HS6ST3: variants seen among roughly 807,000 people sequenced by gnomAD.
HS6ST3 encodes the protein heparan sulfate 6-O-sulfotransferase 3.
HS6ST3 carries 12 observed loss-of-function variants against 36.7 expected under a neutral mutation model. The observed-to-expected ratio is 0.33, with a 90% CI of 0.21 to 0.53. The LOEUF (loss-of-function observed/expected upper bound fraction) is 0.53. Among genes scored for constraint, HS6ST3 ranks in the 20% least tolerant of loss-of-function variants. HS6ST3 has a pLI of 0.95. For missense variants in HS6ST3, 584 were observed against 640.9 expected (o/e 0.91, Z 0.96); for synonymous variants, 240 against 257.5 (o/e 0.93, Z 0.65).
intron 1 of HS6ST3, among the ~76,000 whole-genome samples, chr13:96,332,715 A>G (rs750410288): frequency 6.6e-6 from 1 of 152,248 alleles, no homozygotes; most frequent in Non-Finnish European, 1.5e-5. Flanking sequence ...GGCATTTTAC[A>G]TTTTGTACAG....
chr13:96,579,837 G>T (rs555230457), intron 1 of HS6ST3, among the ~76,000 whole-genome samples: 17 of 152,220 alleles, frequency 1.1e-4, no homozygotes, highest in South Asian at 8.3e-4. Context: ...GACACTCACT[G>T]TGATCCCCTG....
chr13:96,235,066 G>A (rs567984406), intron 1 of HS6ST3, among the ~76,000 whole-genome samples: 1 of 152,018 alleles, frequency 6.6e-6, no homozygotes, highest in East Asian at 1.9e-4. Context: ...ACTCTCAGCT[G>A]ATTTATCCAA....
intron 1 of HS6ST3, among the ~76,000 whole-genome samples, chr13:96,144,307 C>T (rs1358358703): frequency 6.6e-6 from 1 of 152,070 alleles, no homozygotes; most frequent in Non-Finnish European, 1.5e-5. Flanking sequence ...ACTAAGTATA[C>T]TGTAAAAAAT....
chr13:96,679,866 G>C (rs975014841), intron 1 of HS6ST3, among the ~76,000 whole-genome samples: 5 of 152,166 alleles, frequency 3.3e-5, no homozygotes, highest in African/African-American at 9.7e-5. Flanking sequence ...AAAGGTCCAA[G>C]AGACTTGGCC....
At chr13:96,747,595 T>C (rs1465915452) in intron 1 of HS6ST3, among the ~76,000 whole-genome samples, 1 of 152,100 alleles carries the variant, frequency 6.6e-6, no homozygotes, top group Non-Finnish European at 1.5e-5. Context: ...TTACAACTAA[T>C]AATAAACTTT....
intron 1 of HS6ST3, among the ~76,000 whole-genome samples, chr13:96,744,718 G>C (rs890094243): frequency 3.3e-5 from 5 of 152,046 alleles, no homozygotes; most frequent in Non-Finnish European, 7.4e-5. Context: ...CAGTCATGAG[G>C]GCAGAGCTTT....
intron 1 of HS6ST3, among the ~76,000 whole-genome samples, chr13:96,293,122 C>G (rs1685266282): frequency 6.6e-6 from 1 of 151,936 alleles, no homozygotes; most frequent in Admixed American, 6.6e-5. Context: ...TGAAAGACAA[C>G]AATAAAAACT....
At chr13:96,119,390 T>C (rs2053914312) in intron 1 of HS6ST3, among the ~76,000 whole-genome samples, 3 of 152,148 alleles carry the variant, frequency 2.0e-5, no homozygotes, top group Non-Finnish European at 4.4e-5. Context: ...GATTATAGTA[T>C]CTCTTTATTA....
chr13:96,832,774 G>A lies in HS6ST3; in HGVS notation c.992G>A (p.Ser331Asn). Reference sequence around the variant, plus strand: ...TATAACTTGACTTTCATGAACGAGAGTGAAAGAAACACCATCCTGTTGCAG... The same window carrying A: ...TATAACTTGACTTTCATGAACGAGAATGAAAGAAACACCATCCTGTTGCAG... ...GCYNLTFMNESERNTILLQSA... is the reference protein window; with the variant it reads ...GCYNLTFMNENERNTILLQSA... The change falls in exon 2 of 2, where the codon AGT becomes AAT. Residue 331 changes from serine (S) to asparagine (N), a missense_variant. By Grantham distance (46) the Ser-to-Asn change is conservative. Coordinates refer to ENST00000376705, the MANE Select transcript of HS6ST3 (RefSeq NM_153456.4). The A allele has an allele frequency of 6.2e-7, 1 of 1,614,142 alleles. No individual in the cohort carries two copies. Among genetic ancestry groups the A allele is most frequent in the Non-Finnish European group, 8.5e-7 (1 of 1,180,016 alleles).
At chr13:96,800,393 G>A (rs188780897) in intron 1 of HS6ST3, among the ~76,000 whole-genome samples, 18 of 151,612 alleles carry the variant, frequency 1.2e-4, no homozygotes, top group Admixed American at 1.1e-3. Flanking sequence ...CTGTCCCAAA[G>A]CATTTATACT....
intron 1 of HS6ST3, among the ~76,000 whole-genome samples, chr13:96,474,479 G>T (rs1473438430): frequency 6.6e-6 from 1 of 152,196 alleles, no homozygotes; most frequent in Non-Finnish European, 1.5e-5. Context: ...TGCTAACTCG[G>T]TGTGGGTCCA....
At chr13:96,759,388 A>C (rs1391971426) in intron 1 of HS6ST3, among the ~76,000 whole-genome samples, 1 of 151,866 alleles carries the variant, frequency 6.6e-6, no homozygotes, top group Non-Finnish European at 1.5e-5. Flanking sequence ...TTTGGATTAA[A>C]AGAACATTTT....
At chr13:96,650,416 G>A (rs190441815) in intron 1 of HS6ST3, among the ~76,000 whole-genome samples, 42 of 151,890 alleles carry the variant, frequency 2.8e-4, no homozygotes, top group African/African-American at 9.2e-4. Context: ...TATCTATATC[G>A]AAGTCATTCC....
chr13:96,764,616 C>T (rs1347257446), intron 1 of HS6ST3, among the ~76,000 whole-genome samples: 3 of 152,158 alleles, frequency 2.0e-5, no homozygotes, highest in Non-Finnish European at 2.9e-5. Flanking sequence ...TGCTCAGTGG[C>T]CCCTTTTTAT....
intron 1 of HS6ST3, among the ~76,000 whole-genome samples, chr13:96,729,151 C>T (rs1012830231): frequency 3.3e-5 from 5 of 152,058 alleles, no homozygotes; most frequent in Admixed American, 1.3e-4. Context: ...TGGGCAATAA[C>T]GGTGCCCATT....
intron 1 of HS6ST3, among the ~76,000 whole-genome samples, chr13:96,256,122 T>C (rs763946335): frequency 6.6e-6 from 1 of 152,228 alleles, no homozygotes; most frequent in Non-Finnish European, 1.5e-5. Flanking sequence ...TTCAAATACT[T>C]ACACAAATGT....
chr13:96,410,400 C>G (rs1221995232), intron 1 of HS6ST3, among the ~76,000 whole-genome samples: 1 of 152,010 alleles, frequency 6.6e-6, no homozygotes, highest in Admixed American at 6.6e-5. Flanking sequence ...TATAGCCTCA[C>G]TGATATTCAA....
At chr13:96,274,838 TTCAC>T (rs2054739796) in intron 1 of HS6ST3, among the ~76,000 whole-genome samples, 1 of 92,926 alleles carries the variant, frequency 1.1e-5, no homozygotes, top group South Asian at 3.6e-4. Flanking sequence ...AACTTAGTCC[TTCAC>T]ACACACACAC....
At chr13:96,771,072 G>A (rs1877251584) in intron 1 of HS6ST3, among the ~76,000 whole-genome samples, 2 of 152,144 alleles carry the variant, frequency 1.3e-5, no homozygotes, top group South Asian at 4.1e-4. Flanking sequence ...ATGTGTGCAT[G>A]TGTCTTTATA....
Sources: gnomAD v4.1 joint callset for allele counts (sites outside exome capture counted in the v4.1 genomes callset) on GRCh38, gnomAD v4.1.1 for gene constraint, MANE v1.5 for transcripts, NCBI Gene and HGNC (gene_info 2026-07-23, HGNC 2026-07-21) for gene names.